The following LAMA5 variants were observed in gnomAD, a reference collection of about 807,000 sequenced individuals.
The protein encoded by LAMA5 is laminin subunit alpha 5.
LAMA5 carries 260 observed loss-of-function variants against 433.4 expected under a neutral mutation model. The ratio of observed to expected loss-of-function variants is 0.60; its 90% CI spans 0.54 to 0.66. The LOEUF is 0.66. Among genes scored for constraint, LAMA5 ranks in the 30% least tolerant of loss-of-function variants. The probability of loss-of-function intolerance (pLI) is 0.00; values close to 1 mark genes in which losing one functional copy is unlikely to be tolerated. For synonymous variants in LAMA5, 2,620 were observed against 2,226.6 expected, an observed-to-expected ratio of 1.18 and a Z score of -4.97; for missense variants, 5,378 against 5,258.5, an observed-to-expected ratio of 1.02 and a Z score of -0.70.
intron 3 of LAMA5, 22 bp downstream of exon 3, chr20:62,353,112 C>G: frequency 1.3e-6 from 2 of 1,528,240 alleles, no homozygotes; most frequent in Non-Finnish European, 8.9e-7. Context: ...TCCCCCCAGG[C>G]CCCACGGCGG....
chr20:62,325,209 G>GGGGGGCAGGAAGAGA, intron 41 of LAMA5, 107 bp downstream of exon 41: 1 of 742,784 alleles, frequency 1.3e-6, no homozygotes. Flanking sequence ...GAGGTGAGTA[G>GGGGGGCAGGAAGAGA]GGTGACAGGA....
At chr20:62,341,887 G>C (rs1982658412) in intron 11 of LAMA5, among the ~76,000 whole-genome samples, 1 of 146,972 alleles carries the variant, frequency 6.8e-6, no homozygotes, top group African/African-American at 2.6e-5. Flanking sequence ...GACGAGAATA[G>C]AAATGAACAG....
At chr20:62,358,963 C>T (rs904877105) in intron 2 of LAMA5, among the ~76,000 whole-genome samples, 1 of 152,136 alleles carries the variant, frequency 6.6e-6, no homozygotes, top group African/African-American at 2.4e-5. Context: ...GCACTGCTCG[C>T]CCCCAACCAA....
chr20:62,311,582 G>C, intron 71 of LAMA5, 32 bp downstream of exon 71: 2 of 1,609,298 alleles, frequency 1.2e-6, no homozygotes, highest in Non-Finnish European at 1.7e-6. Flanking sequence ...AGGCCAGCTG[G>C]GACCTTGTCC....
intron 33 of LAMA5, 37 bp downstream of exon 33, chr20:62,329,101 C>T: frequency 6.2e-7 from 1 of 1,611,982 alleles, no homozygotes; most frequent in Non-Finnish European, 8.5e-7. Flanking sequence ...GCCCAGACCC[C>T]CACCCCGGAC....
chr20:62,320,020 C>T (rs1041714106), intron 50 of LAMA5, among the ~76,000 whole-genome samples: 1 of 152,098 alleles, frequency 6.6e-6, no homozygotes, highest in Non-Finnish European at 1.5e-5. Context: ...GAAATAGTTA[C>T]TCATTAAGAC....
At position 62,328,417 on chromosome 20, in the gene LAMA5, G is replaced by A. The variant is rs770558556; in HGVS notation, c.4476C>T (p.Asp1492=). 2.2e-5 allele frequency: 34 copies of A among 1,522,838 alleles called. 1 individual carries two copies. Among genetic ancestry groups the A allele is most frequent in the South Asian group, 2.0e-4 (16 of 79,406 alleles). The allele number at this position is 1,522,838 out of a possible 1,614,324, so 94.3% of individuals were successfully genotyped here. A position where few individuals can be genotyped will look rare whatever the true frequency, so the allele number is the denominator to read the frequency against. The change falls in exon 35 of 80, where the codon GAC becomes GAT. Residue 1492 remains aspartate (D), a synonymous_variant. Transcript: ENST00000252999. ...GGCAGATGCACTGGCCCGTGAGCTCGTCACAGAGGCGGGCACCGCAGTCAC... is the reference window on the plus strand; with the variant it reads ...GGCAGATGCACTGGCCCGTGAGCTCATCACAGAGGCGGGCACCGCAGTCAC... ...RPCDCGARLC[D]ELTGQCICPP... is the part of the protein sequence containing the mutation.
chr20:62,358,759 C>T (rs2146346346), intron 2 of LAMA5, among the ~76,000 whole-genome samples: 1 of 152,310 alleles, frequency 6.6e-6, no homozygotes, highest in Non-Finnish European at 1.5e-5. Flanking sequence ...CCCTGACCCT[C>T]TCATAACCCC....
rs1250946266 is a variant in LAMA5, at chr20:62,317,510, A to C, written c.7357-11T>G. ...GAGGCGCTCCAGCTCCTGGAATTTG[A>C]GTGGACTTAGCCCCTCATCCTGCTC... On this transcript the variant is annotated splice_polypyrimidine_tract_variant and intron_variant, in intron 54 of 79. Coordinates refer to ENST00000252999, the MANE Select transcript of LAMA5 (RefSeq NM_005560.6). 1 of 1,538,010 alleles carries C rather than the reference A, an allele frequency of 6.5e-7. No individual in the cohort carries two copies. The highest frequency in any genetic ancestry group is 1.4e-5 in the African/African-American group (1 of 72,734).
intron 50 of LAMA5, 53 bp downstream of exon 50, chr20:62,320,506 G>A (rs927869393): frequency 1.4e-5 from 19 of 1,369,692 alleles, no homozygotes; most frequent in Admixed American, 6.0e-5. Flanking sequence ...AGCGAACCGC[G>A]GGGAACACAG....
At chr20:62,342,495 G>A (rs1245223472) in intron 11 of LAMA5, among the ~76,000 whole-genome samples, 5 of 151,848 alleles carry the variant, frequency 3.3e-5, no homozygotes. Flanking sequence ...GCTTTAACAC[G>A]GTGAAACCCC....
At position 62,346,485 on chromosome 20, in the gene LAMA5, C is replaced by T. The variant is rs753064595; in HGVS notation, c.1282+21G>A. On this transcript the variant is annotated intron_variant, in intron 9 of 79. Transcript: ENST00000252999. ...GGCAGACCCTGAGACCCAGGACACC[C>T]GCCCAGCTGAGCCCACTCACGGCGG... The T allele has an allele frequency of 5.8e-6, 9 of 1,548,082 alleles. No homozygotes were observed. In the Admixed American group the frequency reaches 7.9e-5, roughly 14 times the overall value.
At chr20:62,352,877 G>A (rs1984572601) in intron 3 of LAMA5, 1 of 460,534 alleles carries the variant, frequency 2.2e-6, no homozygotes, top group Non-Finnish European at 3.9e-6. Flanking sequence ...GGTGCATGAA[G>A]CCATCCAGAG....
rs773233110 is a variant in LAMA5, at chr20:62,311,005, G to C, written c.10178C>G (p.Ala3393Gly). The C allele has an allele frequency of 6.2e-7, 1 of 1,610,498 alleles. No homozygotes were observed. Residue 3393 changes from alanine (A) to glycine (G), a missense_variant, in exon 74 of 80, where the codon GCG becomes GGG. Coordinates refer to ENST00000252999, the MANE Select transcript of LAMA5 (RefSeq NM_005560.6). ...ARLRPGSPSL[A>G]LFLSNGHFVA... is the part of the protein sequence containing the mutation. ...GAAGTGGCCATTGCTCAGGAAGAGC[G>C]CCAGGGAGGGGCTGCCGGGCCTCAG...
In LAMA5 at chr20:62,310,925, A is replaced by G. The variant is rs778393126; in HGVS notation, c.10258T>C (p.Ser3420Pro). Reference sequence around the variant, plus strand: ...ACCTTGTGCCAGCGGCCAGGCCGGGAGCGCTGGCGGCTCTGGGCGCGGAGC... The same window carrying G: ...ACCTTGTGCCAGCGGCCAGGCCGGGGGCGCTGGCGGCTCTGGGCGCGGAGC... ...TRLRAQSRQR[S>P]RPGRWHKVSV... is the part of the protein sequence containing the mutation. The change falls in exon 74 of 80, where the codon TCC becomes CCC. Residue 3420 changes from serine to proline, a missense_variant. By Grantham distance (74) the Ser-to-Pro change is moderately conservative (BLOSUM62 -1). Coordinates refer to ENST00000252999, the MANE Select transcript of LAMA5 (RefSeq NM_005560.6). 2 of 1,610,726 alleles carry G rather than the reference A, an allele frequency of 1.2e-6. No individual in the cohort carries two copies. The highest frequency in any genetic ancestry group is 1.7e-6 in the Non-Finnish European group (2 of 1,179,436).
Position 62,314,937 on chromosome 20 carries a change from C to T in LAMA5, c.8058G>A (p.Leu2686=), listed in dbSNP as rs199977223. Residue 2686 remains leucine, a synonymous_variant, in exon 60 of 80, where the codon CTG becomes CTA. Transcript: ENST00000252999. Reference sequence around the variant, plus strand: ...CCAGCAGCTGGGGCAGCGTCTTCTCCAGGGTGGACACTGCAGAGAGGGAGA... The same window carrying T: ...CCAGCAGCTGGGGCAGCGTCTTCTCTAGGGTGGACACTGCAGAGAGGGAGA... ...VLDAGHSVST[L]EKTLPQLLAK... is the part of the protein sequence containing the mutation. 496 of 1,601,240 alleles carry T rather than the reference C, an allele frequency of 3.1e-4. 3 individuals are homozygous for T. In the Middle Eastern group the frequency reaches 0.011, roughly 37 times the overall value.
At position 62,347,017 on chromosome 20, in the gene LAMA5, G is replaced by C. The variant is rs74455057; in HGVS notation, c.968C>G (p.Thr323Ser). 1 of 1,611,214 alleles carries C rather than the reference G, an allele frequency of 6.2e-7. No homozygotes were observed. Among genetic ancestry groups the C allele is most frequent in the East Asian group, 2.2e-5 (1 of 44,874 alleles). ...GCCCCCGCAGGTGTTGTGCTGGCAG[G>C]TGCACTGCAGCCTGTGGGGTACACA... ...DPTDPFRLQC[T>S]CQHNTCGGTC... The change falls in exon 7 of 80, where the codon ACC becomes AGC. Residue 323 changes from threonine to serine, a missense_variant. By Grantham distance (58) the Thr-to-Ser change is moderately conservative (BLOSUM62 1). Coordinates refer to ENST00000252999, the MANE Select transcript of LAMA5 (RefSeq NM_005560.6).
chr20:62,330,365 T>C (rs1980126195), intron 31 of LAMA5, 123 bp downstream of exon 31: 1 of 1,337,628 alleles, frequency 7.5e-7, no homozygotes, highest in Non-Finnish European at 9.9e-7. Flanking sequence ...GTTTGAGAAC[T>C]GATGGCAGGA....
rs368939161 is a variant in LAMA5, at chr20:62,309,708, G to A, written c.10948+8C>T. 135 of 1,590,164 alleles carry A rather than the reference G, an allele frequency of 8.5e-5. No homozygotes were observed. In the African/African-American group the frequency reaches 8.6e-4, roughly 10 times the overall value. ...AGCTCCCCCACCCTTGATCAAGGCC[G>A]CACTCACCAGGCAGGCCCCCGAGGT... On this transcript the variant is annotated splice_region_variant and intron_variant, in intron 79 of 79. Transcript: ENST00000252999.
Sources: gnomAD v4.1 joint callset for allele counts (sites outside exome capture counted in the v4.1 genomes callset) on GRCh38, gnomAD v4.1.1 for gene constraint, MANE v1.5 for transcripts, NCBI Gene and HGNC (gene_info 2026-07-23, HGNC 2026-07-21) for gene names.